Variants in PTPRG observed in about 807,000 individuals in gnomAD.
The protein encoded by PTPRG is receptor-type tyrosine-protein phosphatase gamma.
PTPRG carries 102 observed loss-of-function variants against 165.3 expected under a neutral mutation model. That is an observed-to-expected ratio of 0.62 (90% CI 0.53 to 0.73). The LOEUF is 0.73. PTPRG is among the 30% of genes least tolerant of loss of function. The pLI is 0.00. For missense variants in PTPRG, 1,866 were observed against 1,861.4 expected, an observed-to-expected ratio of 1.00 and a Z score of -0.05; for synonymous variants, 675 against 669.5, an observed-to-expected ratio of 1.01 and a Z score of -0.13.
chr3:62,010,380 G>GTA (rs2041393363), intron 4 of PTPRG, among the ~76,000 whole-genome samples: 1 of 151,866 alleles, frequency 6.6e-6, no homozygotes, highest in Non-Finnish European at 1.5e-5. Flanking sequence ...TTGTGTGTGT[G>GTA]TGTGTGTGTG....
intron 3 of PTPRG, among the ~76,000 whole-genome samples, chr3:62,001,060 T>C (rs2041162428): frequency 6.6e-6 from 1 of 152,212 alleles, no homozygotes; most frequent in Admixed American, 6.5e-5. Context: ...ATGCATGACA[T>C]CTTGTGCTCT....
chr3:62,179,224 G>A (rs147005436), intron 8 of PTPRG, among the ~76,000 whole-genome samples: 1 of 152,214 alleles, frequency 6.6e-6, no homozygotes. Context: ...CCCAGAAGAG[G>A]GAGCCCCATG....
rs751960907 is a variant in PTPRG, at chr3:62,218,920, T to C, written c.2225T>C (p.Ile742Thr). The change falls in exon 13 of 30, where the codon ATT becomes ACT. Residue 742 changes from isoleucine (I) to threonine (T), a missense_variant. Ile to Thr is a moderately conservative substitution (Grantham distance 89, BLOSUM62 -1). This residue lies in a region of PTPRG where 1,452 missense variants were observed against 1,463.0 expected (regional missense o/e 0.99). Transcript: ENST00000474889. ...PGRMEWIIPLIVVSALTFVCL... is the reference protein window; with the variant it reads ...PGRMEWIIPLTVVSALTFVCL... ...AGGATGGAGTGGATCATCCCTCTGA[T>C]TGTGGTATCAGCCTTGACCTTCGTG... is the stretch of plus-strand genomic sequence containing the variant. 3 of 1,614,066 alleles carry C rather than the reference T, an allele frequency of 1.9e-6. No homozygotes were observed. The highest frequency in any genetic ancestry group is 1.1e-5 in the South Asian group (1 of 91,070).
chr3:61,599,567 A>C, intron 1 of PTPRG, among the ~76,000 whole-genome samples: 1 of 152,014 alleles, frequency 6.6e-6, no homozygotes, highest in Admixed American at 6.5e-5. Context: ...ATCTCGGTTC[A>C]CTGCAATCTC....
At chr3:62,247,495 C>T (rs1204082278) in intron 15 of PTPRG, among the ~76,000 whole-genome samples, 2 of 152,076 alleles carry the variant, frequency 1.3e-5, no homozygotes, top group Non-Finnish European at 2.9e-5. Flanking sequence ...CTCTTTCATC[C>T]TCCTGGAGGG....
At chr3:61,995,084 C>CTTTTTTTTTTTTTTTTTTTTTTTTTT (rs761499179) in intron 3 of PTPRG, among the ~76,000 whole-genome samples, 2 of 35,396 alleles carry the variant, frequency 5.7e-5, no homozygotes, top group African/African-American at 1.1e-4. Context: ...TTCTTTCTTT[C>CTTTTTTTTTTTTTTTTTTTTTTTTTT]TTTTTTTTTT....
intron 5 of PTPRG, among the ~76,000 whole-genome samples, chr3:62,123,438 A>G (rs530371827): frequency 6.6e-6 from 1 of 152,290 alleles, no homozygotes; most frequent in South Asian, 2.1e-4. Context: ...GACTTCAGAC[A>G]TGTTTTATTA....
chr3:61,811,060 T>A (rs934712123), intron 2 of PTPRG, among the ~76,000 whole-genome samples: 2 of 152,174 alleles, frequency 1.3e-5, no homozygotes, highest in Non-Finnish European at 2.9e-5. Flanking sequence ...TTTCTCCCTG[T>A]CATAGCCCAG....
intron 2 of PTPRG, among the ~76,000 whole-genome samples, chr3:61,783,702 G>A (rs771585263): frequency 1.6e-4 from 25 of 152,132 alleles, no homozygotes; most frequent in Non-Finnish European, 3.2e-4. Context: ...ATGAACAAGG[G>A]GTGGAAGCCA....
rs77765026 is a variant in PTPRG, at chr3:61,914,921, T to C, written c.191-74704T>C. Among the ~76,000 whole-genome samples, 104 of 152,334 alleles carry C rather than the reference T, an allele frequency of 6.8e-4. 1 individual carries two copies. In the East Asian group the frequency reaches 0.02, roughly 29 times the overall value. ...ATATTGTTTGAGTCTTTTTAAAGCA[T>C]ATCTATTACATACATAATAATTAAG... On this transcript the variant is annotated intron_variant, in intron 2 of 29. Transcript: ENST00000474889.
At chr3:61,971,801 G>A (rs570452518) in intron 2 of PTPRG, among the ~76,000 whole-genome samples, 2 of 152,304 alleles carry the variant, frequency 1.3e-5, no homozygotes, top group African/African-American at 4.8e-5. Flanking sequence ...TTGACATTAA[G>A]CATATATAAA....
rs78578762 is a variant in PTPRG at position 62,202,935 on chromosome 3, T to C, written c.1378-238T>C. Among the ~76,000 whole-genome samples, 423 of 152,320 alleles carry C rather than the reference T, an allele frequency of 2.8e-3. 20 individuals carry two copies. The East Asian group carries it at 0.074, about 27-fold the overall frequency. ...AATATCAGTGAAAAGCTGAGTTTGA[T>C]CGACTAGTTATGCATTTTAACATGT... On this transcript the variant is annotated intron_variant, in intron 11 of 29. Coordinates refer to ENST00000474889, the MANE Select transcript of PTPRG (RefSeq NM_002841.4).
At chr3:61,681,054 T>TAAAAAAAAAAAAAA (rs61198100) in intron 1 of PTPRG, among the ~76,000 whole-genome samples, 12 of 66,096 alleles carry the variant, frequency 1.8e-4, no homozygotes, top group African/African-American at 4.4e-4. Flanking sequence ...CTTTATGTTC[T>TAAAAAAAAAAAAAA]AAAAAAAAAA....
At position 61,703,673 on chromosome 3, in the gene PTPRG, T is replaced by A. The variant is rs1277548554; in HGVS notation, c.86-45205T>A. On this transcript the variant is annotated intron_variant, in intron 1 of 29. Coordinates refer to ENST00000474889, the MANE Select transcript of PTPRG (RefSeq NM_002841.4). ...GTGAAACTTCACCTTTTCTTGGTAA[T>A]CTGATGGATGACCCTCTCCTTTGAA... 2.6e-5 allele frequency among the ~76,000 whole-genome samples: 4 copies of A among 152,178 alleles called. No homozygotes were observed. In the East Asian group the frequency reaches 7.7e-4, roughly 29 times the overall value.
Position 62,061,163 on chromosome 3 carries a change from C to T in PTPRG, c.520-17000C>T, listed in dbSNP as rs192352761. Among the ~76,000 whole-genome samples, 537 of 152,276 alleles carry T rather than the reference C, an allele frequency of 3.5e-3. 14 individuals are homozygous for T. The highest frequency in any genetic ancestry group is 0.032 in the Admixed American group (491 of 15,300). On this transcript the variant is annotated intron_variant, in intron 4 of 29. Coordinates refer to ENST00000474889, the MANE Select transcript of PTPRG (RefSeq NM_002841.4). ...ACCTTCTTTGAAATTAAGCTTTTGT[C>T]CTGGAGTTTTTAATGGGCACAACTC...
chr3:61,834,453 C>T (rs1251985953), intron 2 of PTPRG, among the ~76,000 whole-genome samples: 1 of 152,068 alleles, frequency 6.6e-6, no homozygotes, highest in Non-Finnish European at 1.5e-5. Flanking sequence ...CCTAGCTGCT[C>T]AGGAGGCTGA....
At position 62,100,667 on chromosome 3, in the gene PTPRG, A is replaced by C. The variant is rs191903046; in HGVS notation, c.615+22409A>C. ...TTGAATTCTGGATCTCTCAGTTCCC[A>C]TCTCTTAATTTTTTAGTTGTTTGGC... is the stretch of plus-strand genomic sequence containing the variant. On this transcript the variant is annotated intron_variant, in intron 5 of 29. Transcript: ENST00000474889. Among the ~76,000 whole-genome samples the C allele has an allele frequency of 7.3e-4, 111 of 152,376 alleles. 1 individual carries two copies. Among genetic ancestry groups the C allele is most frequent in the African/African-American group, 2.5e-3 (106 of 41,596 alleles).
At chr3:61,593,549 A>G (rs1319686632) in intron 1 of PTPRG, among the ~76,000 whole-genome samples, 1 of 152,142 alleles carries the variant, frequency 6.6e-6, no homozygotes, top group Non-Finnish European at 1.5e-5. Context: ...TTCTTAGCTA[A>G]ACAAAATGAA....
intron 4 of PTPRG, among the ~76,000 whole-genome samples, chr3:62,033,726 A>G (rs2366421): frequency 6.6e-6 from 1 of 151,756 alleles, no homozygotes; most frequent in Non-Finnish European, 1.5e-5. Flanking sequence ...AACAACTACC[A>G]TGACTACTCT....
Sources: allele counts gnomAD v4.1 joint callset (sites outside exome capture counted in the v4.1 genomes callset), GRCh38; gene constraint gnomAD v4.1.1; regional missense constraint gnomAD v4.1.1; transcripts MANE v1.5; gene names NCBI Gene and HGNC (gene_info 2026-07-23, HGNC 2026-07-21).